The following CNTN6 variants were observed in gnomAD, a reference collection of about 807,000 sequenced individuals.
The protein encoded by CNTN6 is contactin-6.
In CNTN6, 137 loss-of-function variants were observed where a neutral mutation model predicts 122.8. The ratio of observed to expected loss-of-function variants is 1.12; its 90% CI spans 0.97 to 1.29. The LOEUF is 1.29. CNTN6 is among the 50% of genes most tolerant of loss of function. CNTN6 has a pLI of 0.00. For missense variants in CNTN6, 1,634 were observed against 1,223.4 expected, an observed-to-expected ratio of 1.34 and a Z score of -5.01; for synonymous variants, 570 against 426.0, an observed-to-expected ratio of 1.34 and a Z score of -4.16.
At chr3:1,384,140 T>G (rs1336015162) in intron 19 of CNTN6, among the ~76,000 whole-genome samples, 2 of 152,224 alleles carry the variant, frequency 1.3e-5, no homozygotes, top group Non-Finnish European at 2.9e-5. Context: ...AAAGATCTGC[T>G]GTACAACTGT....
chr3:1,293,521 C>A (rs1246895799), intron 5 of CNTN6, among the ~76,000 whole-genome samples: 2 of 152,090 alleles, frequency 1.3e-5, no homozygotes, highest in Non-Finnish European at 2.9e-5. Flanking sequence ...GGAAGCCTAC[C>A]GGAACATATC....
intron 20 of CNTN6, chr3:1,394,403 G>T: frequency 6.4e-6 from 1 of 155,412 alleles, no homozygotes; most frequent in South Asian, 1.8e-4. Context: ...GTCGTTCCCA[G>T]GGACGACAGC....
Position 1,373,895 on chromosome 3 carries a change from T to C in CNTN6, c.1946-29T>C, listed in dbSNP as rs778080330. On this transcript the variant is annotated intron_variant, in intron 15 of 22. Coordinates refer to ENST00000446702, the MANE Select transcript of CNTN6 (RefSeq NM_001289080.2). ...TATTTGTTTTTGAGTAGTCCCAACC[T>C]AGGTGCCTTAGTGTCTCATTCTTTT... 17 of 1,593,710 alleles carry C rather than the reference T, an allele frequency of 1.1e-5. No homozygotes were observed. The Admixed American group carries it at 2.9e-4, about 27-fold the overall frequency.
intron 4 of CNTN6, among the ~76,000 whole-genome samples, chr3:1,231,249 G>A (rs565786258): frequency 5.9e-5 from 9 of 152,306 alleles, no homozygotes; most frequent in Non-Finnish European, 8.8e-5. Context: ...AGAAAAAAGC[G>A]GGTGCAGAAG....
chr3:1,108,491 A>G (rs901023334), intron 1 of CNTN6, among the ~76,000 whole-genome samples: 1 of 151,538 alleles, frequency 6.6e-6, no homozygotes, highest in Non-Finnish European at 1.5e-5. Context: ...TTCAGTTTGG[A>G]GTCCTGTTGG....
At chr3:1,186,657 T>G (rs76675764) in intron 2 of CNTN6, among the ~76,000 whole-genome samples, 11,090 of 152,158 alleles carry the variant, frequency 0.073, 503 homozygotes, top group Middle Eastern at 0.11. Context: ...GCTTTCTGAA[T>G]CGGAAAGACA....
chr3:1,131,106 C>A (rs557301903), intron 1 of CNTN6, among the ~76,000 whole-genome samples: 1 of 152,192 alleles, frequency 6.6e-6, no homozygotes, highest in Non-Finnish European at 1.5e-5. Context: ...TGCTCTGATA[C>A]CTGCTATGTG....
chr3:1,245,765 C>G (rs959762720), intron 4 of CNTN6, among the ~76,000 whole-genome samples: 1 of 151,776 alleles, frequency 6.6e-6, no homozygotes, highest in Non-Finnish European at 1.5e-5. Context: ...ACAGCAAATA[C>G]AAATAATAAA....
chr3:1,356,399 G>A (rs564110306), intron 12 of CNTN6, among the ~76,000 whole-genome samples: 6 of 151,802 alleles, frequency 4.0e-5, no homozygotes, highest in South Asian at 2.1e-4. Flanking sequence ...TTTATTCTTC[G>A]TGATAGAAGT....
chr3:1,251,024 T>C (rs529977527), intron 4 of CNTN6, among the ~76,000 whole-genome samples: 102 of 152,298 alleles, frequency 6.7e-4, no homozygotes, highest in Middle Eastern at 6.8e-3. Flanking sequence ...TCTCATCCCC[T>C]AAACTCCAAC....
At chr3:1,197,348 G>C (rs2125409576) in intron 2 of CNTN6, among the ~76,000 whole-genome samples, 1 of 152,276 alleles carries the variant, frequency 6.6e-6, no homozygotes, top group East Asian at 1.9e-4. Context: ...TGTAATAATA[G>C]GGATAGAGGT....
chr3:1,245,225 T>TAACATATATATATATATATAA (rs1308618434), intron 4 of CNTN6, among the ~76,000 whole-genome samples: 1 of 17,244 alleles, frequency 5.8e-5, no homozygotes. Context: ...TATATATATA[T>TAACATATATATATATATATAA]ATATATATAT....
intron 3 of CNTN6, among the ~76,000 whole-genome samples, chr3:1,226,116 C>G (rs1381842959): frequency 3.3e-5 from 5 of 152,098 alleles, no homozygotes; most frequent in Non-Finnish European, 7.4e-5. Context: ...TGGCCTCAAG[C>G]TATCTGCCCA....
At chr3:1,285,903 A>G (rs899873231) in intron 5 of CNTN6, among the ~76,000 whole-genome samples, 5 of 152,216 alleles carry the variant, frequency 3.3e-5, no homozygotes. Flanking sequence ...TGATTTGCCT[A>G]AAATTAGTGT....
At position 1,221,742 on chromosome 3, in the gene CNTN6, TTTAG is replaced by T. The variant is rs1349902410; in HGVS notation, c.182+935_182+938del. Among the ~76,000 whole-genome samples the T allele has an allele frequency of 2.6e-5, 4 of 152,174 alleles. No individual in the cohort carries two copies. The East Asian group carries it at 7.7e-4, about 29-fold the overall frequency. ...TATTCATAGGTAAATACTACAGATA[TTTAG>T]TTAGTAGAAACTTCATATGTAGTGT... On this transcript the variant is annotated intron_variant, in intron 3 of 22. Transcript: ENST00000446702.
chr3:1,349,177 A>C (rs1054475564), intron 11 of CNTN6, among the ~76,000 whole-genome samples: 1 of 151,952 alleles, frequency 6.6e-6, no homozygotes, highest in African/African-American at 2.4e-5. Flanking sequence ...ATTTCCACAC[A>C]TATTTTTATG....
intron 2 of CNTN6, among the ~76,000 whole-genome samples, chr3:1,152,001 T>G: frequency 6.6e-6 from 1 of 152,282 alleles, no homozygotes; most frequent in South Asian, 2.1e-4. Context: ...AAAAAATATG[T>G]TAATGAGATA....
chr3:1,401,807 A>G (rs1695747576), intron 21 of CNTN6, among the ~76,000 whole-genome samples: 1 of 152,074 alleles, frequency 6.6e-6, no homozygotes, highest in Admixed American at 6.6e-5. Context: ...CCTTGCTATC[A>G]TAAGATGATG....
chr3:1,274,778 GC>G (rs1158265758), intron 4 of CNTN6, among the ~76,000 whole-genome samples: 2 of 151,980 alleles, frequency 1.3e-5, no homozygotes, highest in Admixed American at 1.3e-4. Flanking sequence ...TGTATGGTTG[GC>G]CCTAACCACT....
Sources: gnomAD v4.1 joint callset for allele counts (sites outside exome capture counted in the v4.1 genomes callset) on GRCh38, gnomAD v4.1.1 for gene constraint, MANE v1.5 for transcripts, NCBI Gene and HGNC (gene_info 2026-07-23, HGNC 2026-07-21) for gene names.